The following CTBS variants were observed in gnomAD, a reference collection of about 807,000 sequenced individuals.
The protein encoded by CTBS is chitobiase.
Under a neutral mutation model 44.3 loss-of-function variants are expected in CTBS, and 35 were observed. The ratio of observed to expected loss-of-function variants is 0.79; its 90% CI spans 0.60 to 1.05. The LOEUF (loss-of-function observed/expected upper bound fraction) is 1.05. Ranked by LOEUF, CTBS falls within the 50% of genes least tolerant of loss-of-function variation. The pLI, the probability that CTBS is intolerant of heterozygous loss-of-function variation, is 0.00. For synonymous variants in CTBS, 143 were observed against 168.0 expected (o/e 0.85, Z 1.15); for missense variants, 458 against 475.3 (o/e 0.96, Z 0.34).
rs1684637931 is a variant in CTBS, at chr1:84,563,783, C to A, written c.747G>T (p.Met249Ile). ...AATCATAACCATACCAAGGAACACCCATTACAAGTTTCTTAGGATTAATGC... is the reference window on the plus strand; with the variant it reads ...AATCATAACCATACCAAGGAACACCAATTACAAGTTTCTTAGGATTAATGC... ...KMSINPKKLV[M>I]GVPWYGYDYT... is the part of the protein sequence containing the mutation. The change falls in exon 5 of 7, where the codon ATG becomes ATT. Residue 249 changes from methionine (M) to isoleucine (I), a missense_variant. By Grantham distance (10) the Met-to-Ile change is conservative. Coordinates refer to ENST00000370630, the MANE Select transcript of CTBS (RefSeq NM_004388.3). 1 of 1,608,744 alleles carries A rather than the reference C, an allele frequency of 6.2e-7. No homozygotes were observed. Among genetic ancestry groups the A allele is most frequent in the Non-Finnish European group, 8.5e-7 (1 of 1,177,056 alleles).
intron 1 of CTBS, among the ~76,000 whole-genome samples, chr1:84,571,017 G>A (rs767073074): frequency 6.6e-6 from 1 of 152,176 alleles, no homozygotes; most frequent in Non-Finnish European, 1.5e-5. Context: ...TTTGGGGAGA[G>A]AGCATTAGTG....
intron 3 of CTBS, among the ~76,000 whole-genome samples, chr1:84,569,330 C>T (rs982592517): frequency 2.0e-5 from 3 of 152,144 alleles, no homozygotes; most frequent in Non-Finnish European, 4.4e-5. Context: ...TTCCTTAAGA[C>T]CTATGGTTAT....
At chr1:84,565,809 T>A in intron 4 of CTBS, 32 bp downstream of exon 4, 10 of 1,145,650 alleles carry the variant, frequency 8.7e-6, no homozygotes, top group Non-Finnish European at 1.2e-5. Flanking sequence ...ATTATTAATA[T>A]TATTAATAAA....
At chr1:84,558,293 C>CTT (rs369890996) in intron 6 of CTBS, among the ~76,000 whole-genome samples, 7 of 145,802 alleles carry the variant, frequency 4.8e-5, no homozygotes, top group African/African-American at 1.0e-4. Flanking sequence ...TGCCATTAAA[C>CTT]TTTTTTTTTT....
chr1:84,556,658 G>C (rs1310723485), intron 6 of CTBS, among the ~76,000 whole-genome samples: 1 of 145,320 alleles, frequency 6.9e-6, no homozygotes, highest in East Asian at 2.0e-4. Flanking sequence ...GTTGCAGTAA[G>C]CTGAGATCAC....
At chr1:84,567,018 T>C (rs1485916631) in intron 3 of CTBS, among the ~76,000 whole-genome samples, 1 of 152,222 alleles carries the variant, frequency 6.6e-6, no homozygotes, top group Non-Finnish European at 1.5e-5. Context: ...ATTAGCCTTA[T>C]TTTATACATG....
chr1:84,557,548 A>G (rs1235632976), intron 6 of CTBS, among the ~76,000 whole-genome samples: 55 of 137,468 alleles, frequency 4.0e-4, no homozygotes, highest in East Asian at 1.2e-3. Flanking sequence ...AAAAAAAAAA[A>G]AAAAAGAAAA....
At chr1:84,565,509 G>A (rs538972348) in intron 4 of CTBS, among the ~76,000 whole-genome samples, 18 of 152,204 alleles carry the variant, frequency 1.2e-4, no homozygotes, top group South Asian at 2.1e-4. Context: ...GTGATTTCAT[G>A]ACAAGAATAT....
chr1:84,556,645 GA>G (rs1684438939), intron 6 of CTBS, among the ~76,000 whole-genome samples: 1 of 148,108 alleles, frequency 6.8e-6, no homozygotes, highest in African/African-American at 2.5e-5. Context: ...CCAGGAGACG[GA>G]GGTTGCAGTA....
At chr1:84,570,768 C>G in intron 1 of CTBS, 48 bp from the exon 2 acceptor site, 1 of 1,577,474 alleles carries the variant, frequency 6.3e-7, no homozygotes. Flanking sequence ...GAATATTATG[C>G]TGACCGTCCA....
At chr1:84,568,468 G>A (rs74095462) in intron 3 of CTBS, among the ~76,000 whole-genome samples, 1,978 of 152,194 alleles carry the variant, frequency 0.013, 33 homozygotes, top group African/African-American at 0.045. Context: ...AATGTCAGTC[G>A]TCATATTGCT....
intron 6 of CTBS, among the ~76,000 whole-genome samples, chr1:84,556,317 A>T (rs1684427728): frequency 6.6e-6 from 1 of 152,160 alleles, no homozygotes; most frequent in South Asian, 2.1e-4. Context: ...AAAATAATTT[A>T]CTTATTTTTA....
chr1:84,560,439 G>A (rs1684569981), intron 6 of CTBS, among the ~76,000 whole-genome samples: 1 of 152,148 alleles, frequency 6.6e-6, no homozygotes, highest in African/African-American at 2.4e-5. Context: ...TCTGATCACA[G>A]TTCTACATAG....
chr1:84,557,410 G>A (rs1407938306), intron 6 of CTBS, among the ~76,000 whole-genome samples: 3 of 151,676 alleles, frequency 2.0e-5, no homozygotes, highest in Non-Finnish European at 4.4e-5. Flanking sequence ...ATGCATGCCT[G>A]TAATCCCAGC....
chr1:84,560,006 C>T (rs1487886335), intron 6 of CTBS, among the ~76,000 whole-genome samples: 1 of 149,694 alleles, frequency 6.7e-6, no homozygotes, highest in African/African-American at 2.5e-5. Flanking sequence ...ATTGCTTGAA[C>T]CCAGGAGGCA....
rs983026173 is a variant in CTBS at position 84,563,485 on chromosome 1, A to G, written c.796-67T>C. 5.4e-6 allele frequency: 6 copies of G among 1,114,232 alleles called. No homozygotes were observed. The African/African-American group carries it at 9.8e-5, about 18-fold the overall frequency. The allele number at this position is 1,114,232 out of a possible 1,614,324, so 69.0% of individuals were successfully genotyped here. A position where few individuals can be genotyped will look rare whatever the true frequency, so the allele number is the denominator to read the frequency against. ...GCAATTCTTAAAAGCCAAACCAAAA[A>G]TATATAAATTATTTAGAAATAAAAC... On this transcript the variant is annotated intron_variant, in intron 5 of 6. Transcript: ENST00000370630.
Position 84,570,627 on chromosome 1 carries a change from G to A in CTBS, c.271C>T (p.Leu91Phe). ...CCTTTTGAATGAGCGTAGCACATAAGTTCTGAGTCATATTTTCCAAATGTT... is the reference window on the plus strand; with the variant it reads ...CCTTTTGAATGAGCGTAGCACATAAATTCTGAGTCATATTTTCCAAATGTT... ...VATFGKYDSE[L>F]MCYAHSKGAR... is the part of the protein sequence containing the mutation. The change falls in exon 2 of 7, where the codon CTT becomes TTT. Residue 91 changes from leucine (L) to phenylalanine (F), a missense_variant. Physicochemically the swap from Leu to Phe is conservative, Grantham distance 22. Coordinates refer to ENST00000370630, the MANE Select transcript of CTBS (RefSeq NM_004388.3). The A allele has an allele frequency of 6.2e-7, 1 of 1,613,928 alleles. No homozygotes were observed. The highest frequency in any genetic ancestry group is 8.5e-7 in the Non-Finnish European group (1 of 1,179,830).
rs762606994 is a variant in CTBS at position 84,570,753 on chromosome 1, A to G, written c.178-33T>C. 3.7e-6 allele frequency: 6 copies of G among 1,604,334 alleles called. No homozygotes were observed. The East Asian group carries it at 1.3e-4, about 36-fold the overall frequency. On this transcript the variant is annotated intron_variant, in intron 1 of 6. Coordinates refer to ENST00000370630, the MANE Select transcript of CTBS (RefSeq NM_004388.3). ...AACAAAGATGAGCACCATCATTTAA[A>G]CCAAGAATATTATGCTGACCGTCCA...
chr1:84,561,100 T>A (rs1265797750), intron 6 of CTBS, among the ~76,000 whole-genome samples: 1 of 152,240 alleles, frequency 6.6e-6, no homozygotes. Context: ...ACTCCTTTCA[T>A]GGATCTGGCC....
Sources: gnomAD v4.1 joint callset for allele counts (sites outside exome capture counted in the v4.1 genomes callset) on GRCh38, gnomAD v4.1.1 for gene constraint, MANE v1.5 for transcripts, NCBI Gene and HGNC (gene_info 2026-07-23, HGNC 2026-07-21) for gene names.